SP140: variants seen among roughly 807,000 people sequenced by gnomAD.
SP140 encodes the protein nuclear body protein SP140.
A neutral mutation model predicts 125.0 loss-of-function variants in SP140; 81 were observed. The ratio of observed to expected loss-of-function variants is 0.65; its 90% CI spans 0.54 to 0.78. The LOEUF (loss-of-function observed/expected upper bound fraction) is 0.78. Among genes scored for constraint, SP140 ranks in the 30% least tolerant of loss-of-function variants. The probability of loss-of-function intolerance (pLI) is 0.00; values close to 1 mark genes in which losing one functional copy is unlikely to be tolerated. For synonymous variants in SP140, 312 were observed against 354.0 expected, an observed-to-expected ratio of 0.88 and a Z score of 1.33; for missense variants, 858 against 1,037.0, an observed-to-expected ratio of 0.83 and a Z score of 2.37.
chr2:230,312,781 A>T lies in SP140; in HGVS notation c.*97A>T. 1 of 838,570 alleles carries T rather than the reference A, an allele frequency of 1.2e-6. No homozygotes were observed. The highest frequency in any genetic ancestry group is 2.1e-5 in the Admixed American group (1 of 47,444). 51.9% of individuals were successfully genotyped at this position (838,570 alleles called of 1,614,324 possible). A position where few individuals can be genotyped will look rare whatever the true frequency, so the allele number is the denominator to read the frequency against. On this transcript the variant is annotated 3_prime_UTR_variant, in exon 27 of 27. Transcript: ENST00000392045. ...CAAAATGAGGTCACTTGGGCACAGC[A>T]CATGCAGGGAGGGGCTTTTCTCTGA...
intron 22 of SP140, among the ~76,000 whole-genome samples, chr2:230,308,784 G>GCAGAGCCGGCGGAGGACTTGTAGATAGAC: frequency 6.6e-6 from 1 of 152,368 alleles, no homozygotes; most frequent in Admixed American, 6.5e-5. Flanking sequence ...ACCTGCAGCA[G>GCAGAGCCGGCGGAGGACTTGTAGATAGAC]CAGAGCCGGC....
rs1007736807 is a variant in SP140 at position 230,216,675 on chromosome 2, G to T, written c.-91+2601G>T. 3 of 1,346,048 alleles carry T rather than the reference G, an allele frequency of 2.2e-6. No individual in the cohort carries two copies. The Admixed American group carries it at 5.0e-5, about 23-fold the overall frequency. The allele number at this position is 1,346,048 out of a possible 1,614,324, so 83.4% of individuals were successfully genotyped here. A position where few individuals can be genotyped will look rare whatever the true frequency, so the allele number is the denominator to read the frequency against. On this transcript the variant is annotated intron_variant, in intron 3 of 4. Coordinates refer to the SP140 transcript ENST00000456542. ...CTGTGATAATGAACATGCCTGGGCT[G>T]GGCCTTCCAAACTCTGGAAGCCCTG...
chr2:230,190,430 A>C, the SP140 span, among the ~76,000 whole-genome samples: 1 of 150,610 alleles, frequency 6.6e-6, no homozygotes, highest in East Asian at 2.0e-4. Context: ...AAATATGTTT[A>C]AGTTCCTTGT....
chr2:230,219,879 CTTTGAG>C lies in SP140; in HGVS notation c.-91+5810_-91+5815del, dbSNP rs1393326765. The C allele has an allele frequency of 7.1e-6, 7 of 980,134 alleles. No homozygotes were observed. In the South Asian group the frequency reaches 1.4e-4, roughly 20 times the overall value. 60.7% of individuals were successfully genotyped at this position (980,134 alleles called of 1,614,324 possible). ...CAGCAAAGACAGAAACTCACCTGGACTTTGAGTTTGTCGTTCCTGCCCCTTTCCAGG... is the reference window on the plus strand; with the variant it reads ...CAGCAAAGACAGAAACTCACCTGGACTTTGTCGTTCCTGCCCCTTTCCAGG... On this transcript the variant is annotated intron_variant, in intron 3 of 4. Transcript: ENST00000456542.
At chr2:230,219,969 A>C (rs1286835328) in intron 3 of SP140, 4 of 985,522 alleles carry the variant, frequency 4.1e-6, no homozygotes, top group Non-Finnish European at 4.8e-6. Flanking sequence ...GCTAGCAGGC[A>C]AAACAGGAAG....
chr2:230,240,745 G>A (rs1351714726), intron 3 of SP140, among the ~76,000 whole-genome samples: 1 of 152,158 alleles, frequency 6.6e-6, no homozygotes, highest in Non-Finnish European at 1.5e-5. Flanking sequence ...TTGGGAAAGT[G>A]CCTGGCAATT....
intron 9 of SP140, among the ~76,000 whole-genome samples, chr2:230,250,266 C>T (rs1470198344): frequency 4.8e-4 from 73 of 152,190 alleles, no homozygotes; most frequent in Admixed American, 4.3e-3. Context: ...TCCCCTTAGA[C>T]GCGGTGATCT....
chr2:230,283,712 T>A (rs2055952251), intron 15 of SP140, among the ~76,000 whole-genome samples: 2 of 152,126 alleles, frequency 1.3e-5, no homozygotes, highest in Admixed American at 1.3e-4. Context: ...GTGGAGTCAC[T>A]TTTCTGATAA....
At chr2:230,202,755 G>A, upstream of SP140, 1 of 1,613,536 alleles carries the variant, frequency 6.2e-7, no homozygotes, top group Non-Finnish European at 8.5e-7. Flanking sequence ...CTTGTTAATA[G>A]TTTAAATTGG....
intron 22 of SP140, among the ~76,000 whole-genome samples, chr2:230,306,200 G>A (rs1367271060): frequency 2.0e-5 from 3 of 152,186 alleles, no homozygotes; most frequent in African/African-American, 7.2e-5. Flanking sequence ...CCTGCTCTCA[G>A]GCCCAGAGCC....
At chr2:230,206,399 G>T (rs1473693270) in intron 1 of SP140, among the ~76,000 whole-genome samples, 3 of 151,122 alleles carry the variant, frequency 2.0e-5, no homozygotes, top group African/African-American at 7.3e-5. Context: ...GTTCTTTCTT[G>T]GTGCTCCTCT....
chr2:230,220,713 T>C (rs977864180), intron 3 of SP140, among the ~76,000 whole-genome samples: 5 of 152,150 alleles, frequency 3.3e-5, no homozygotes, highest in African/African-American at 1.2e-4. Context: ...TGAAAAATCC[T>C]AAACTATTGG....
At chr2:230,310,518 G>T (rs1380515063) in intron 23 of SP140, 7 of 999,676 alleles carry the variant, frequency 7.0e-6, no homozygotes, top group Non-Finnish European at 1.0e-5. Context: ...CACACTCACG[G>T]TGACACCACC....
rs541668462 is a variant in SP140, at chr2:230,286,957, G to T, written c.1646-935G>T. 1.3e-4 allele frequency among the ~76,000 whole-genome samples: 20 copies of T among 152,292 alleles called. No individual in the cohort carries two copies. The East Asian group carries it at 3.3e-3, about 25-fold the overall frequency. ...TCATGGGCCTACATGACCCTGATCAGCACCCCCAGATGGTGGTCATTGGAT... is the reference window on the plus strand; with the variant it reads ...TCATGGGCCTACATGACCCTGATCATCACCCCCAGATGGTGGTCATTGGAT... On this transcript the variant is annotated intron_variant, in intron 17 of 26. Coordinates refer to ENST00000392045, the MANE Select transcript of SP140 (RefSeq NM_007237.5).
chr2:230,239,185 G>C (rs2048375805), intron 3 of SP140: 1 of 530,744 alleles, frequency 1.9e-6, no homozygotes, highest in African/African-American at 2.0e-5. Flanking sequence ...CCAAGTCAGA[G>C]AAAGGTCTAG....
At chr2:230,307,992 C>CATATATATATATATACAT (rs33922249) in intron 22 of SP140, among the ~76,000 whole-genome samples, 1 of 49,068 alleles carries the variant, frequency 2.0e-5, no homozygotes, top group Admixed American at 2.5e-4. Flanking sequence ...TATATATATA[C>CATATATATATATATACAT]ACACACACAC....
the SP140 span, among the ~76,000 whole-genome samples, chr2:230,191,111 T>C: frequency 6.6e-6 from 1 of 152,164 alleles, no homozygotes; most frequent in East Asian, 1.9e-4. Flanking sequence ...AGAGACAATA[T>C]ACCAGAATCT....
chr2:230,218,724 A>G (rs1315601265), intron 3 of SP140, among the ~76,000 whole-genome samples: 1 of 152,246 alleles, frequency 6.6e-6, no homozygotes, highest in Non-Finnish European at 1.5e-5. Context: ...GTCTGACTCT[A>G]AAGCCCTGTT....
At chr2:230,291,330 C>CT (rs574484817) in intron 19 of SP140, among the ~76,000 whole-genome samples, 142 of 152,120 alleles carry the variant, frequency 9.3e-4, no homozygotes, top group African/African-American at 3.2e-3. Context: ...TACAAATCAA[C>CT]TTTTTTTTGT....
Sources: gnomAD v4.1 joint callset for allele counts (sites outside exome capture counted in the v4.1 genomes callset) on GRCh38, gnomAD v4.1.1 for gene constraint, MANE v1.5 for transcripts, NCBI Gene and HGNC (gene_info 2026-07-23, HGNC 2026-07-21) for gene names.